Variants in CPED1 observed in about 807,000 individuals in gnomAD.
CPED1 encodes the protein cadherin like and PC-esterase domain containing 1.
CPED1 carries 114 observed loss-of-function variants against 128.2 expected under a neutral mutation model. That is an observed-to-expected ratio of 0.89 (90% CI 0.76 to 1.04). The LOEUF (loss-of-function observed/expected upper bound fraction) is 1.04, where lower values mean the gene tolerates loss of function less well. CPED1 is among the 50% of genes least tolerant of loss of function. CPED1 has a pLI of 0.00. For synonymous variants in CPED1, 462 were observed against 426.7 expected (o/e 1.08, Z -1.02); for missense variants, 1,211 against 1,207.1 (o/e 1.00, Z -0.05).
At chr7:121,206,595 C>G (rs1797522543) in intron 16 of CPED1, among the ~76,000 whole-genome samples, 1 of 151,832 alleles carries the variant, frequency 6.6e-6, no homozygotes, top group East Asian at 1.9e-4. Flanking sequence ...ATATATCTAT[C>G]TAGCCTTTTT....
chr7:121,140,246 T>C (rs1451393487), intron 14 of CPED1, among the ~76,000 whole-genome samples: 2 of 152,016 alleles, frequency 1.3e-5, no homozygotes, highest in East Asian at 3.9e-4. Context: ...TCTTATACTT[T>C]ATGGTACTTT....
At chr7:121,283,908 T>C (rs1005670042) in intron 22 of CPED1, among the ~76,000 whole-genome samples, 1 of 152,200 alleles carries the variant, frequency 6.6e-6, no homozygotes, top group African/African-American at 2.4e-5. Context: ...CGGGCTCCAA[T>C]GAGTTATACT....
chr7:121,007,230 C>CTTTTTTTTTTTTTTTTTTT (rs147867549), intron 2 of CPED1, among the ~76,000 whole-genome samples: 1 of 115,848 alleles, frequency 8.6e-6, no homozygotes, highest in Non-Finnish European at 1.8e-5. Context: ...GTTCAGGTTG[C>CTTTTTTTTTTTTTTTTTTT]ATTTTTTTTT....
intron 5 of CPED1, among the ~76,000 whole-genome samples, chr7:121,093,052 G>A (rs1361735644): frequency 6.6e-6 from 1 of 152,084 alleles, no homozygotes; most frequent in Non-Finnish European, 1.5e-5. Flanking sequence ...TCTAGCAACT[G>A]GCACAACTTA....
intron 16 of CPED1, among the ~76,000 whole-genome samples, chr7:121,227,704 C>T (rs1662760195): frequency 6.6e-6 from 1 of 151,940 alleles, no homozygotes; most frequent in South Asian, 2.1e-4. Context: ...TTTCTTATTC[C>T]TAAAATGAAG....
chr7:121,266,010 G>A (rs561880653), intron 18 of CPED1, among the ~76,000 whole-genome samples: 1 of 152,158 alleles, frequency 6.6e-6, no homozygotes, highest in Non-Finnish European at 1.5e-5. Flanking sequence ...ATATGAGTAA[G>A]TGGGTCAGTA....
At chr7:121,261,886 CAAAGAT>C in intron 18 of CPED1, 1 of 653,428 alleles carries the variant, frequency 1.5e-6, no homozygotes, top group Non-Finnish European at 2.6e-6. Flanking sequence ...GAAATAAAAA[CAAAGAT>C]AATTAAACCA....
chr7:121,129,286 T>TGTATATATATATATATATATAC (rs1563037401), intron 11 of CPED1, among the ~76,000 whole-genome samples: 4 of 76,598 alleles, frequency 5.2e-5, no homozygotes, highest in African/African-American at 2.2e-4. Context: ...TGTGTATATA[T>TGTATATATATATATATATATAC]GTATATATAT....
At chr7:121,047,062 T>G (rs2116903377) in intron 4 of CPED1, 69 bp downstream of exon 4, 1 of 971,202 alleles carries the variant, frequency 1.0e-6, no homozygotes, top group East Asian at 2.5e-5. Flanking sequence ...TTTCCTGGTC[T>G]ATAATGTTTA....
At chr7:121,231,885 T>G (rs947025353) in intron 16 of CPED1, among the ~76,000 whole-genome samples, 2 of 152,120 alleles carry the variant, frequency 1.3e-5, no homozygotes, top group Admixed American at 1.3e-4. Flanking sequence ...ATTCTAGCAT[T>G]TGTACAAAAA....
chr7:121,224,292 G>A (rs1355160939), intron 16 of CPED1, among the ~76,000 whole-genome samples: 2 of 152,184 alleles, frequency 1.3e-5, no homozygotes, highest in Non-Finnish European at 2.9e-5. Context: ...TTAATCCTGA[G>A]TTCTAACTTG....
intron 4 of CPED1, among the ~76,000 whole-genome samples, chr7:121,054,999 A>T (rs1299968921): frequency 4.6e-5 from 7 of 152,180 alleles, no homozygotes; most frequent in Non-Finnish European, 2.9e-5. Context: ...TAGCAAACTC[A>T]TTTAAGATTC....
chr7:121,277,981 T>C (rs1199986093), intron 22 of CPED1, among the ~76,000 whole-genome samples: 3 of 152,104 alleles, frequency 2.0e-5, no homozygotes, highest in East Asian at 1.9e-4. Flanking sequence ...ATGTAATAGA[T>C]AGATCTATTA....
rs963820018 is a variant in CPED1 at position 121,236,916 on chromosome 7, T to TA, written c.2173+92dup. The TA allele has an allele frequency of 1.8e-5, 11 of 599,188 alleles. 1 individual carries two copies. Among genetic ancestry groups the TA allele is most frequent in the South Asian group, 1.7e-4 (5 of 29,146 alleles). The allele number at this position is 599,188 out of a possible 1,614,324, so 37.1% of individuals were successfully genotyped here. ...TATGCTTATTTAAACTATCCTTTTA[T>TA]AAAAAAACAAGGGCATTACTTTTTA... On this transcript the variant is annotated intron_variant, in intron 17 of 22. Transcript: ENST00000310396.
chr7:121,252,448 A>G (rs1798701959), intron 18 of CPED1, among the ~76,000 whole-genome samples: 2 of 151,636 alleles, frequency 1.3e-5, no homozygotes, highest in African/African-American at 4.8e-5. Flanking sequence ...AATGGCAACA[A>G]AAGCCAAAAT....
intron 5 of CPED1, among the ~76,000 whole-genome samples, chr7:121,077,317 T>C (rs1417493066): frequency 6.6e-6 from 1 of 152,198 alleles, no homozygotes; most frequent in East Asian, 1.9e-4. Context: ...AAGTCAAATT[T>C]TAAAAATGAC....
chr7:121,004,460 G>T (rs955922960), intron 2 of CPED1, among the ~76,000 whole-genome samples: 1 of 152,160 alleles, frequency 6.6e-6, no homozygotes, highest in Non-Finnish European at 1.5e-5. Flanking sequence ...GGACATGTTT[G>T]CTCTGTGCCA....
intron 16 of CPED1, among the ~76,000 whole-genome samples, chr7:121,191,474 T>C (rs547996964): frequency 6.6e-6 from 1 of 152,280 alleles, no homozygotes; most frequent in South Asian, 2.1e-4. Flanking sequence ...GGGTTCTTTC[T>C]ATGGCTGTTG....
intron 19 of CPED1, 78 bp downstream of exon 19, chr7:121,266,525 C>T (rs959059821): frequency 9.4e-6 from 12 of 1,282,406 alleles, no homozygotes; most frequent in African/African-American, 1.5e-5. Flanking sequence ...TGCTCAACTA[C>T]TCACTGTACA....
Sources: gnomAD v4.1 joint callset for allele counts (sites outside exome capture counted in the v4.1 genomes callset) on GRCh38, gnomAD v4.1.1 for gene constraint, MANE v1.5 for transcripts, NCBI Gene and HGNC (gene_info 2026-07-23, HGNC 2026-07-21) for gene names.